The following GNAL variants were observed in gnomAD, a reference collection of about 807,000 sequenced individuals.
The protein encoded by GNAL is guanine nucleotide-binding protein G(olf) subunit alpha.
A neutral mutation model predicts 55.1 loss-of-function variants in GNAL; 18 were observed. The observed-to-expected ratio is 0.33, with a 90% confidence interval of 0.23 to 0.48. The LOEUF (loss-of-function observed/expected upper bound fraction) is 0.48, where lower values mean the gene tolerates loss of function less well. Ranked by LOEUF, GNAL falls within the 20% of genes least tolerant of loss-of-function variation. The pLI, the probability that GNAL is intolerant of heterozygous loss-of-function variation, is 0.99. For synonymous variants in GNAL, 253 were observed against 237.0 expected, an observed-to-expected ratio of 1.07 and a Z score of -0.62; for missense variants, 412 against 614.1, an observed-to-expected ratio of 0.67 and a Z score of 3.48.
chr18:11,805,442 G>A (rs1474137489), intron 4 of GNAL, among the ~76,000 whole-genome samples: 1 of 152,096 alleles, frequency 6.6e-6, no homozygotes, highest in Non-Finnish European at 1.5e-5. Context: ...TGAGTTTTTA[G>A]TATATCCATC....
In GNAL at chr18:11,772,487, T is replaced by C. The variant is rs969374627; in HGVS notation, c.624+18542T>C. Among the ~76,000 whole-genome samples, 7 of 152,342 alleles carry C rather than the reference T, an allele frequency of 4.6e-5. No homozygotes were observed. The South Asian group carries it at 6.2e-4, about 14-fold the overall frequency. On this transcript the variant is annotated intron_variant, in intron 4 of 11. Transcript: ENST00000334049. ...TGATCATAGGGCCAAATAGAGTTGA[T>C]GTCTCCATTGTGTTTTGACCAAGCT...
intron 5 of GNAL, among the ~76,000 whole-genome samples, chr18:11,849,501 CA>C (rs71172025): frequency 0.12 from 15,692 of 128,546 alleles, 675 homozygotes; most frequent in African/African-American, 0.24. Context: ...GATTTCATCT[CA>C]AAAAAAAAAA....
intron 4 of GNAL, among the ~76,000 whole-genome samples, chr18:11,778,807 G>A (rs1338373940): frequency 1.3e-5 from 2 of 151,912 alleles, no homozygotes; most frequent in Non-Finnish European, 2.9e-5. Context: ...ATAAAACCAT[G>A]AGTGGGTCAT....
At chr18:11,786,568 C>T (rs1405213395) in intron 4 of GNAL, among the ~76,000 whole-genome samples, 2 of 147,128 alleles carry the variant, frequency 1.4e-5, no homozygotes, top group Non-Finnish European at 3.0e-5. Context: ...CCTGCCACAG[C>T]CTCCCAAGTA....
chr18:11,690,048 G>C lies in GNAL; in HGVS notation c.376+109G>C. Reference sequence around the variant, plus strand: ...CGGGCACCGGGGAGCGGCGGCGGGAGGGGCTCCTGAATCCCGGGACTGGAC... The same window carrying C: ...CGGGCACCGGGGAGCGGCGGCGGGACGGGCTCCTGAATCCCGGGACTGGAC... On this transcript the variant is annotated intron_variant, in intron 1 of 11. Transcript: ENST00000334049. 5.5e-6 allele frequency: 3 copies of C among 540,818 alleles called. No homozygotes were observed. In the East Asian group the frequency reaches 1.2e-4, roughly 22 times the overall value. The allele number at this position is 540,818 out of a possible 1,614,324, so 33.5% of individuals were successfully genotyped here. A position where few individuals can be genotyped will look rare whatever the true frequency, so the allele number is the denominator to read the frequency against.
intron 4 of GNAL, among the ~76,000 whole-genome samples, chr18:11,801,743 C>T (rs2034528116): frequency 6.6e-6 from 1 of 152,038 alleles, no homozygotes; most frequent in African/African-American, 2.4e-5. Context: ...ATGGATGTGG[C>T]TCGTGATAGC....
chr18:11,869,954 T>A (rs1405843393), intron 9 of GNAL, among the ~76,000 whole-genome samples: 3 of 152,006 alleles, frequency 2.0e-5, no homozygotes, highest in East Asian at 3.9e-4. Flanking sequence ...AATAAAAAAA[T>A]TGACTAAAAA....
At chr18:11,714,884 T>C (rs12455443) in intron 1 of GNAL, among the ~76,000 whole-genome samples, 2,613 of 152,268 alleles carry the variant, frequency 0.017, 58 homozygotes, top group African/African-American at 0.053. Context: ...GGTGTGGCGG[T>C]TCACACCAGC....
chr18:11,851,363 G>T (rs1271929573), intron 5 of GNAL: 17 of 1,058,936 alleles, frequency 1.6e-5, no homozygotes, highest in South Asian at 5.4e-5. Flanking sequence ...TTGGCGCTGG[G>T]CTCTGACGTC....
chr18:11,884,169 A>G lies in GNAL; in HGVS notation c.*3034A>G, dbSNP rs2143999847. ...GTCGTGCATGTGAGTGACGACATTA[A>G]TAGCATTTACATACTGTACAGATGC... On this transcript the variant is annotated 3_prime_UTR_variant, in exon 12 of 12. Transcript: ENST00000334049. 3.0e-6 allele frequency: 1 copy of G among 330,172 alleles called. No individual in the cohort carries two copies. The allele number at this position is 330,172 out of a possible 1,614,324, so 20.5% of individuals were successfully genotyped here.
At chr18:11,824,787 A>T (rs1289401147) in intron 4 of GNAL, 131 bp from the exon 5 acceptor site, 9 of 591,224 alleles carry the variant, frequency 1.5e-5, no homozygotes, top group Admixed American at 6.4e-5. Flanking sequence ...GCATTTTACT[A>T]TGCAGACTTC....
Position 11,863,989 on chromosome 18 carries a change from TAAAAC to T in GNAL, c.778-539_778-535del, listed in dbSNP as rs538818688. Among the ~76,000 whole-genome samples the T allele has an allele frequency of 7.0e-4, 107 of 152,212 alleles. 1 individual carries two copies. Among genetic ancestry groups the T allele is most frequent in the Admixed American group, 4.3e-3 (65 of 15,276 alleles). ...TTCTTGCAGACATGATTTTAAGTCT[TAAAAC>T]AAAAGCACAGTTATCAGGTCTCTTG... On this transcript the variant is annotated intron_variant, in intron 6 of 11. Transcript: ENST00000334049.
chr18:11,761,365 A>G (rs1211006513), intron 4 of GNAL, among the ~76,000 whole-genome samples: 3 of 152,158 alleles, frequency 2.0e-5, no homozygotes, highest in African/African-American at 7.2e-5. Context: ...GCCCTCTCAG[A>G]GCACAGGTTC....
intron 5 of GNAL, chr18:11,851,804 C>T: frequency 6.2e-7 from 1 of 1,613,880 alleles, no homozygotes; most frequent in Non-Finnish European, 8.5e-7. Flanking sequence ...GTGGTTAAGT[C>T]GATGGATGCG....
chr18:11,830,255 G>A (rs1172368145), intron 5 of GNAL, among the ~76,000 whole-genome samples: 1 of 147,794 alleles, frequency 6.8e-6, no homozygotes, highest in Non-Finnish European at 1.5e-5. Context: ...GTAAGTCACT[G>A]TGTCACCTTG....
intron 4 of GNAL, among the ~76,000 whole-genome samples, chr18:11,804,171 G>A (rs2034598395): frequency 1.4e-5 from 2 of 141,930 alleles, no homozygotes; most frequent in Non-Finnish European, 3.0e-5. Flanking sequence ...CGGAGATACT[G>A]TGTAGTGGTG....
intron 4 of GNAL, among the ~76,000 whole-genome samples, chr18:11,800,414 A>G (rs1039920161): frequency 2.0e-5 from 3 of 152,318 alleles, no homozygotes; most frequent in African/African-American, 7.2e-5. Flanking sequence ...TTATCCTCTC[A>G]CTGGTCATAA....
intron 1 of GNAL, among the ~76,000 whole-genome samples, chr18:11,740,538 G>A (rs1479957105): frequency 6.6e-6 from 1 of 152,170 alleles, no homozygotes; most frequent in Non-Finnish European, 1.5e-5. Context: ...ACAGAATCAT[G>A]AGTGTGTCTA....
At position 11,881,981 on chromosome 18, in the gene GNAL, G is replaced by A. The variant is rs1008012389; in HGVS notation, c.*846G>A. 6.6e-6 allele frequency: 1 copy of A among 152,572 alleles called. No individual in the cohort carries two copies. Among genetic ancestry groups the A allele is most frequent in the African/African-American group, 2.4e-5 (1 of 41,434 alleles). 9.5% of individuals were successfully genotyped at this position (152,572 alleles called of 1,614,324 possible). On this transcript the variant is annotated 3_prime_UTR_variant, in exon 12 of 12. Transcript: ENST00000334049. This position sits in a 1 kb window ranked among gnomAD's most constrained non-coding sequence, Gnocchi z 4.8. The stretch of plus-strand genomic sequence containing the variant: ...TTTGTATTGTGCTGAAGAGCTTAAT[G>A]TCAACATTACCTGCTGCTTACTCTG...
Sources: gnomAD v4.1 joint callset for allele counts (sites outside exome capture counted in the v4.1 genomes callset) on GRCh38, gnomAD v4.1.1 for gene constraint, Gnocchi (gnomAD v3.1) non-coding constraint, MANE v1.5 for transcripts, NCBI Gene and HGNC (gene_info 2026-07-23, HGNC 2026-07-21) for gene names.